The following TMOD3 variants were observed in gnomAD, a reference collection of about 807,000 sequenced individuals.
TMOD3 encodes tropomodulin 3, also known as tropomodulin-3.
In TMOD3, 20 loss-of-function variants were observed where a neutral mutation model predicts 39.2. The observed-to-expected ratio is 0.51, with a 90% CI of 0.36 to 0.74. The LOEUF (loss-of-function observed/expected upper bound fraction) is 0.74. Ranked by LOEUF, TMOD3 falls within the 30% of genes least tolerant of loss-of-function variation. TMOD3 has a pLI of 0.00. For missense variants in TMOD3, 381 were observed against 412.8 expected (o/e 0.92, Z 0.67); for synonymous variants, 143 against 145.8 (o/e 0.98, Z 0.14).
rs1477967005 is a variant in TMOD3 at position 51,915,477 on chromosome 15, A to T, written c.*6667A>T. ...TCATTTGAATGTCATTCATTGTCAC[A>T]TGAAATCAGGTATTTACGTTTTTTT... On this transcript the variant is annotated 3_prime_UTR_variant, in exon 10 of 10. Transcript: ENST00000308580. 1 of 152,224 alleles carries T rather than the reference A, an allele frequency of 6.6e-6. No individual in the cohort carries two copies. The highest frequency in any genetic ancestry group is 1.5e-5 in the Non-Finnish European group (1 of 68,042). 9.4% of individuals were successfully genotyped at this position (152,224 alleles called of 1,614,324 possible). A position where few individuals can be genotyped will look rare whatever the true frequency, so the allele number is the denominator to read the frequency against.
intron 3 of TMOD3, 95 bp from the exon 4 acceptor site, chr15:51,887,494 T>G: frequency 1.6e-6 from 2 of 1,274,210 alleles, no homozygotes; most frequent in South Asian, 3.1e-5. Flanking sequence ...AATCTTTTCC[T>G]TCAGGTTCAG....
chr15:51,871,702 A>G (rs1219228571), intron 3 of TMOD3, among the ~76,000 whole-genome samples: 1 of 152,194 alleles, frequency 6.6e-6, no homozygotes, highest in Non-Finnish European at 1.5e-5. Context: ...AAAATACAAG[A>G]GGGGGAAAAG....
At chr15:51,886,877 A>G (rs915783635) in intron 3 of TMOD3, among the ~76,000 whole-genome samples, 4 of 152,184 alleles carry the variant, frequency 2.6e-5, no homozygotes, top group Non-Finnish European at 5.9e-5. Context: ...TAGAATCATA[A>G]TTGTCTCTGC....
At position 51,910,667 on chromosome 15, in the gene TMOD3, G is replaced by T. The variant is rs2056705770; in HGVS notation, c.*1857G>T. ...CTGGACAGTTTATCTAATAAGCAAG[G>T]CAGCTTCTTGTGTGCTATGGTAATA... On this transcript the variant is annotated 3_prime_UTR_variant, in exon 10 of 10. Coordinates refer to ENST00000308580, the MANE Select transcript of TMOD3 (RefSeq NM_014547.5). 6.6e-6 allele frequency: 1 copy of T among 152,102 alleles called. No individual in the cohort carries two copies. The highest frequency in any genetic ancestry group is 6.6e-5 in the Admixed American group (1 of 15,250). The allele number at this position is 152,102 out of a possible 1,614,324, so 9.4% of individuals were successfully genotyped here.
intron 3 of TMOD3, among the ~76,000 whole-genome samples, chr15:51,877,313 T>C (rs1346334306): frequency 6.6e-6 from 1 of 152,204 alleles, no homozygotes; most frequent in Non-Finnish European, 1.5e-5. Context: ...CCTATAAATA[T>C]TCTTGAGTTT....
rs1017114110 is a variant in TMOD3, at chr15:51,914,253, C to G, written c.*5443C>G. 1 of 152,106 alleles carries G rather than the reference C, an allele frequency of 6.6e-6. No individual in the cohort carries two copies. Among genetic ancestry groups the G allele is most frequent in the African/African-American group, 2.4e-5 (1 of 41,394 alleles). 9.4% of individuals were successfully genotyped at this position (152,106 alleles called of 1,614,324 possible). On this transcript the variant is annotated 3_prime_UTR_variant, in exon 10 of 10. Coordinates refer to ENST00000308580, the MANE Select transcript of TMOD3 (RefSeq NM_014547.5). ...TGAGCTTTGATCATGCCACTGCATT[C>G]CAGCCTGGGTAACAAGAGTGAGACT...
chr15:51,859,457 T>C (rs1461934018), intron 1 of TMOD3: 1 of 657,928 alleles, frequency 1.5e-6, no homozygotes, highest in Non-Finnish European at 2.9e-6. Flanking sequence ...AAAAGTCAAC[T>C]GAAAATGGAT....
chr15:51,871,529 A>G (rs956250101), intron 3 of TMOD3, among the ~76,000 whole-genome samples: 8 of 152,226 alleles, frequency 5.3e-5, no homozygotes, highest in Non-Finnish European at 1.2e-4. Flanking sequence ...GAGGATAAGA[A>G]GGAGAAAAAA....
At chr15:51,884,860 C>T (rs1217222495) in intron 3 of TMOD3, among the ~76,000 whole-genome samples, 1 of 152,190 alleles carries the variant, frequency 6.6e-6, no homozygotes, top group Non-Finnish European at 1.5e-5. Context: ...CCTAGAACCA[C>T]CTTCCTGTGG....
chr15:51,832,230 T>TATATATATATATATATATATATATATATA (rs1450593296), intron 1 of TMOD3, among the ~76,000 whole-genome samples: 10 of 136,622 alleles, frequency 7.3e-5, no homozygotes, highest in African/African-American at 2.8e-4. Flanking sequence ...TATATATATA[T>TATATATATATATATATATATATATATATA]ATGAATGACA....
At chr15:51,859,696 T>C in intron 1 of TMOD3, 1 of 484,554 alleles carries the variant, frequency 2.1e-6, no homozygotes, top group Non-Finnish European at 4.1e-6. Context: ...GCACAGAGTC[T>C]TCCTCAAAAA....
At chr15:51,859,058 G>T in intron 1 of TMOD3, 1 of 429,322 alleles carries the variant, frequency 2.3e-6, no homozygotes. Context: ...AAATTAAAGT[G>T]TGTCTTGAAA....
chr15:51,908,602 G>C (rs2141713082), intron 9 of TMOD3, among the ~76,000 whole-genome samples, 174 bp from the exon 10 acceptor site: 1 of 151,000 alleles, frequency 6.6e-6, no homozygotes, highest in South Asian at 2.1e-4. Context: ...TGAATGATGG[G>C]AAGTAGGTTG....
intron 6 of TMOD3, 25 bp from the exon 7 acceptor site, chr15:51,896,394 A>G: frequency 1.4e-5 from 21 of 1,458,980 alleles, no homozygotes; most frequent in Non-Finnish European, 2.0e-5. Flanking sequence ...AAATGTAATG[A>G]TGTTTTATGT....
At position 51,914,168 on chromosome 15, in the gene TMOD3, C is replaced by T. The variant is rs1321064452; in HGVS notation, c.*5358C>T. 1 of 152,328 alleles carries T rather than the reference C, an allele frequency of 6.6e-6. No individual in the cohort carries two copies. Among genetic ancestry groups the T allele is most frequent in the Non-Finnish European group, 1.5e-5 (1 of 68,274 alleles). 9.4% of individuals were successfully genotyped at this position (152,328 alleles called of 1,614,324 possible). A position where few individuals can be genotyped will look rare whatever the true frequency, so the allele number is the denominator to read the frequency against. ...AAAAATTAGCCAGACACCTATAGTA[C>T]CAGCTACTTAGGAGTCTAAAGTGGG... On this transcript the variant is annotated 3_prime_UTR_variant, in exon 10 of 10. Coordinates refer to ENST00000308580, the MANE Select transcript of TMOD3 (RefSeq NM_014547.5).
chr15:51,865,903 A>AATAT lies in TMOD3; in HGVS notation c.126+2902_126+2905dup, dbSNP rs375086801. ...CTCACTGAGTTTTTGCCAAAAAAAA[A>AATAT]ATATATATATATGTCTCCAGAAGAC... On this transcript the variant is annotated intron_variant, in intron 2 of 9. Transcript: ENST00000308580. Among the ~76,000 whole-genome samples, 20 of 151,800 alleles carry AATAT rather than the reference A, an allele frequency of 1.3e-4. 1 individual carries two copies. The highest frequency in any genetic ancestry group is 2.5e-4 in the Non-Finnish European group (17 of 67,894).
At chr15:51,865,608 T>C (rs2056441346) in intron 2 of TMOD3, among the ~76,000 whole-genome samples, 1 of 152,192 alleles carries the variant, frequency 6.6e-6, no homozygotes, top group South Asian at 2.1e-4. Context: ...TCATAATTCC[T>C]CTAACCTCAA....
At chr15:51,855,509 ACTTG>A (rs761362727) in intron 1 of TMOD3, among the ~76,000 whole-genome samples, 13 of 152,256 alleles carry the variant, frequency 8.5e-5, no homozygotes, top group Admixed American at 5.9e-4. Context: ...ACCTGGCAGA[ACTTG>A]CTTATTTACA....
At chr15:51,851,776 C>A (rs1312353972) in intron 1 of TMOD3, among the ~76,000 whole-genome samples, 2 of 152,216 alleles carry the variant, frequency 1.3e-5, no homozygotes, top group East Asian at 3.8e-4. Flanking sequence ...TCCCCTACAG[C>A]CAACCGCTGT....
Sources: allele counts gnomAD v4.1 joint callset (sites outside exome capture counted in the v4.1 genomes callset), GRCh38; gene constraint gnomAD v4.1.1; transcripts MANE v1.5; gene names NCBI Gene and HGNC (gene_info 2026-07-23, HGNC 2026-07-21).